KANK1: variants seen among roughly 807,000 people sequenced by gnomAD.
KANK1 encodes KN motif and ankyrin repeat domain-containing protein 1.
KANK1 carries 109 observed loss-of-function variants against 106.2 expected under a neutral mutation model. The observed-to-expected ratio is 1.03, with a 90% CI of 0.88 to 1.20. The LOEUF (loss-of-function observed/expected upper bound fraction) is 1.20. Ranked by LOEUF, KANK1 falls within the 50% of genes most tolerant of loss-of-function variation. The pLI is 0.00. For missense variants in KANK1, 2,399 were observed against 1,710.7 expected (o/e 1.40, Z -7.10); for synonymous variants, 873 against 652.2 (o/e 1.34, Z -5.16).
chr9:644,041 T>G (rs1158052933), intron 1 of KANK1, among the ~76,000 whole-genome samples: 3 of 150,764 alleles, frequency 2.0e-5, no homozygotes, highest in Non-Finnish European at 4.4e-5. Flanking sequence ...TATGTCCTAG[T>G]GTAGTGTGGT....
At chr9:729,982 T>G (rs568071900) in intron 3 of KANK1, 69 bp from the exon 4 acceptor site, 1 of 1,342,258 alleles carries the variant, frequency 7.5e-7, no homozygotes, top group South Asian at 1.3e-5. Flanking sequence ...GTGGCAAGAA[T>G]TGTTTTTGTT....
At chr9:689,567 C>T (rs1246482517) in intron 2 of KANK1, among the ~76,000 whole-genome samples, 2 of 146,244 alleles carry the variant, frequency 1.4e-5, no homozygotes, top group Non-Finnish European at 3.0e-5. Flanking sequence ...GAAAAGCAGG[C>T]ACCTTTGCTG....
chr9:607,451 C>T (rs905246583), intron 1 of KANK1, among the ~76,000 whole-genome samples: 2 of 142,504 alleles, frequency 1.4e-5, no homozygotes, highest in Non-Finnish European at 3.0e-5. Flanking sequence ...TGCCATTGCA[C>T]TCCAGCCTGG....
At chr9:718,874 A>G (rs922271265) in intron 3 of KANK1, among the ~76,000 whole-genome samples, 7 of 150,916 alleles carry the variant, frequency 4.6e-5, no homozygotes, top group East Asian at 1.9e-4. Context: ...AAAAAAGAAG[A>G]TGGTCCTTCA....
rs149078943 is a variant in KANK1 at position 703,440 on chromosome 9, A to G, written c.38-7364A>G. On this transcript the variant is annotated intron_variant, in intron 2 of 11. Transcript: ENST00000382297. Reference sequence around the variant, plus strand: ...TGAATAGGACCATTTTCTGTAGCCAATTAAGCTTTCAATAAATGTTTATAT... The same window carrying G: ...TGAATAGGACCATTTTCTGTAGCCAGTTAAGCTTTCAATAAATGTTTATAT... Among the ~76,000 whole-genome samples the G allele has an allele frequency of 2.6e-4, 40 of 152,194 alleles. 1 individual carries two copies. In the East Asian group the frequency reaches 6.8e-3, roughly 26 times the overall value.
chr9:632,372 G>T (rs1232735434), intron 1 of KANK1, among the ~76,000 whole-genome samples: 1 of 152,142 alleles, frequency 6.6e-6, no homozygotes, highest in African/African-American at 2.4e-5. Context: ...AAAGGAATCA[G>T]TGGTTTAGTA....
rs115742044 is a variant in KANK1 at position 510,532 on chromosome 9, A to C, written c.-84+5778A>C. ...AAAGTAAGACTTGAGCTCAGCTTTA[A>C]GGAGTCTCTAGAAATTGGCTAGGGA... is the stretch of plus-strand genomic sequence containing the variant. On this transcript the variant is annotated intron_variant, in intron 1 of 11. Transcript: ENST00000382297. Among the ~76,000 whole-genome samples the C allele has an allele frequency of 3.7e-3, 561 of 152,302 alleles. 1 individual carries two copies. The highest frequency in any genetic ancestry group is 0.012 in the African/African-American group (505 of 41,562).
At chr9:510,828 T>G (rs938663459) in intron 1 of KANK1, among the ~76,000 whole-genome samples, 5 of 152,216 alleles carry the variant, frequency 3.3e-5, no homozygotes, top group South Asian at 4.1e-4. Context: ...GTAGGCTGCT[T>G]TTTTGCCTAA....
intron 1 of KANK1, among the ~76,000 whole-genome samples, chr9:556,910 C>G (rs776684723): frequency 2.6e-5 from 4 of 152,024 alleles, no homozygotes; most frequent in African/African-American, 4.8e-5. Context: ...ACTTTGGACT[C>G]CTGTTTGAAC....
chr9:535,751 C>T (rs2060270265), intron 1 of KANK1, among the ~76,000 whole-genome samples: 1 of 152,184 alleles, frequency 6.6e-6, no homozygotes, highest in Non-Finnish European at 1.5e-5. Flanking sequence ...GTGTCCTTGA[C>T]AGTTGAGATA....
chr9:623,941 A>G (rs919012843), intron 1 of KANK1, among the ~76,000 whole-genome samples: 5 of 152,078 alleles, frequency 3.3e-5, no homozygotes, highest in African/African-American at 9.7e-5. Context: ...TATTTATTTC[A>G]GCATTACTCA....
intron 2 of KANK1, among the ~76,000 whole-genome samples, chr9:696,390 A>C (rs1350923591): frequency 1.3e-5 from 2 of 152,170 alleles, no homozygotes; most frequent in Non-Finnish European, 1.5e-5. Flanking sequence ...CCGCGTATAT[A>C]GGCAAAGTGA....
intron 2 of KANK1, among the ~76,000 whole-genome samples, chr9:695,369 G>A (rs192566050): frequency 1.3e-5 from 2 of 152,200 alleles, no homozygotes; most frequent in East Asian, 3.9e-4. Flanking sequence ...AAAAGTTGGG[G>A]GGTGTTTGTC....
At chr9:587,856 A>G (rs1388084510) in intron 1 of KANK1, among the ~76,000 whole-genome samples, 2 of 152,206 alleles carry the variant, frequency 1.3e-5, no homozygotes, top group African/African-American at 4.8e-5. Context: ...ACTTGAGGTC[A>G]GAAGTTTGAG....
chr9:715,496 G>A (rs1235141127), intron 3 of KANK1, among the ~76,000 whole-genome samples: 2 of 152,160 alleles, frequency 1.3e-5, no homozygotes, highest in Non-Finnish European at 2.9e-5. Flanking sequence ...GTAATTTGCT[G>A]ACCCTCTGAG....
chr9:505,647 G>A (rs1262686436), intron 1 of KANK1, among the ~76,000 whole-genome samples: 1 of 152,244 alleles, frequency 6.6e-6, no homozygotes, highest in Non-Finnish European at 1.5e-5. Flanking sequence ...GCGTGACCTA[G>A]TGAAGGCCTT....
At chr9:607,484 C>CAAAAA (rs760884670) in intron 1 of KANK1, among the ~76,000 whole-genome samples, 2 of 61,186 alleles carry the variant, frequency 3.3e-5, no homozygotes, top group Non-Finnish European at 6.5e-5. Flanking sequence ...GACTCCATCT[C>CAAAAA]AAAAAAAAAA....
At chr9:726,870 G>A (rs1164737441) in intron 3 of KANK1, among the ~76,000 whole-genome samples, 1 of 152,192 alleles carries the variant, frequency 6.6e-6, no homozygotes, top group Non-Finnish European at 1.5e-5. Flanking sequence ...TGAGGCACAA[G>A]AATCTCTTGA....
intron 3 of KANK1, among the ~76,000 whole-genome samples, chr9:485,284 C>G (rs2058271837): frequency 6.6e-6 from 1 of 152,138 alleles, no homozygotes; most frequent in Non-Finnish European, 1.5e-5. Flanking sequence ...CAGAGTGATA[C>G]AAGGAAACTG....
Sources: gnomAD v4.1 joint callset for allele counts (sites outside exome capture counted in the v4.1 genomes callset) on GRCh38, gnomAD v4.1.1 for gene constraint, MANE v1.5 for transcripts, NCBI Gene and HGNC (gene_info 2026-07-23, HGNC 2026-07-21) for gene names.